Variants in CDK19 observed in about 807,000 individuals in gnomAD.
The protein encoded by CDK19 is cyclin dependent kinase 19, also known as cyclin-dependent kinase 19.
A neutral mutation model predicts 68.3 loss-of-function variants in CDK19; 20 were observed. The ratio of observed to expected loss-of-function variants is 0.29; its 90% confidence interval spans 0.21 to 0.43. CDK19 has a LOEUF of 0.43. CDK19 is among the 20% of genes least tolerant of loss of function. The probability of loss-of-function intolerance (pLI) is 1.00; values close to 1 mark genes in which losing one functional copy is unlikely to be tolerated. For synonymous variants in CDK19, 221 were observed against 222.8 expected, an observed-to-expected ratio of 0.99 and a Z score of 0.07; for missense variants, 339 against 623.5, an observed-to-expected ratio of 0.54 and a Z score of 4.86.
chr6:110,721,807 T>C (rs1180718420), intron 2 of CDK19, among the ~76,000 whole-genome samples: 1 of 151,662 alleles, frequency 6.6e-6, no homozygotes, highest in African/African-American at 2.4e-5. Flanking sequence ...TACAAAAAAA[T>C]ACAAAAATTA....
chr6:110,621,611 C>T lies in CDK19; in HGVS notation c.1111-241G>A, dbSNP rs911357070. Among the ~76,000 whole-genome samples, 7 of 152,110 alleles carry T rather than the reference C, an allele frequency of 4.6e-5. No homozygotes were observed. Among genetic ancestry groups the T allele is most frequent in the Admixed American group, 6.5e-5 (1 of 15,274 alleles). On this transcript the variant is annotated intron_variant, in intron 11 of 12. Transcript: ENST00000368911. This position sits in a 1 kb window ranked among gnomAD's most constrained non-coding sequence, Gnocchi z 5.4. ...TTCATTTAGACTGCACAGTGATCCT[C>T]CAAATCAGTCACAGACATCTCACTG...
chr6:110,639,246 G>C (rs1779973418), intron 4 of CDK19, among the ~76,000 whole-genome samples: 1 of 152,050 alleles, frequency 6.6e-6, no homozygotes, highest in African/African-American at 2.4e-5. Context: ...TAAAAACCAA[G>C]GCTAATACAG....
At chr6:110,810,666 C>A (rs1402159307) in intron 1 of CDK19, among the ~76,000 whole-genome samples, 4 of 151,820 alleles carry the variant, frequency 2.6e-5, no homozygotes, top group African/African-American at 9.7e-5. Flanking sequence ...CCCAGCTACT[C>A]AGGAGGCTGA....
At chr6:110,734,923 G>C (rs931328258) in intron 2 of CDK19, among the ~76,000 whole-genome samples, 2 of 152,042 alleles carry the variant, frequency 1.3e-5, no homozygotes, top group Admixed American at 6.6e-5. Context: ...ATAGTAATTG[G>C]TACAATAGTA....
At chr6:110,697,055 T>C (rs1480450346) in intron 2 of CDK19, among the ~76,000 whole-genome samples, 1 of 140,078 alleles carries the variant, frequency 7.1e-6, no homozygotes, top group Admixed American at 7.2e-5. Context: ...CGAAACTCCA[T>C]CTCAAAAAAA....
intron 4 of CDK19, among the ~76,000 whole-genome samples, chr6:110,666,960 T>C (rs1297982377): frequency 1.3e-5 from 2 of 152,172 alleles, no homozygotes; most frequent in Non-Finnish European, 2.9e-5. Context: ...GCCTAATAAG[T>C]ATATACCACC....
chr6:110,717,229 A>C (rs917899833), intron 2 of CDK19, among the ~76,000 whole-genome samples: 2 of 80,644 alleles, frequency 2.5e-5, no homozygotes, highest in African/African-American at 6.5e-5. Context: ...TCTATATATC[A>C]CATATATAGA....
Position 110,621,175 on chromosome 6 carries a change from G to T in CDK19, c.1306C>A (p.Pro436Thr), listed in dbSNP as rs376573708. Residue 436 changes from proline (P) to threonine (T), a missense_variant, in exon 12 of 13, where the codon CCA becomes ACA. Pro to Thr is a conservative substitution (Grantham distance 38). Transcript: ENST00000368911. This position sits in a 1 kb window ranked among gnomAD's most constrained non-coding sequence, Gnocchi z 5.4. Reference sequence around the variant, plus strand: ...GGCCCTAGCCGTGGCTTCTTGTTTGGAGGCACCTGGTTCAGGCTGGAGTCC... The same window carrying T: ...GGCCCTAGCCGTGGCTTCTTGTTTGTAGGCACCTGGTTCAGGCTGGAGTCC... The part of the protein sequence containing the change: ...SQDSSLNQVP[P>T]NKKPRLGPSG... 31 of 1,614,130 alleles carry T rather than the reference G, an allele frequency of 1.9e-5. No homozygotes were observed. The East Asian group carries it at 5.1e-4, about 27-fold the overall frequency.
At chr6:110,627,681 T>G (rs1232224156) in intron 6 of CDK19, among the ~76,000 whole-genome samples, 3 of 152,118 alleles carry the variant, frequency 2.0e-5, no homozygotes, top group African/African-American at 7.2e-5. Flanking sequence ...CTGGCTAATT[T>G]TTTAAAAAAT....
chr6:110,643,262 A>G (rs1780325066), intron 4 of CDK19: 1 of 1,102,964 alleles, frequency 9.1e-7, no homozygotes, highest in African/African-American at 1.6e-5. Flanking sequence ...AGTGGATTAA[A>G]AACAAAATCC....
chr6:110,728,223 G>A lies in CDK19; in HGVS notation c.204+17903C>T, dbSNP rs531322133. 1.6e-3 allele frequency among the ~76,000 whole-genome samples: 249 copies of A among 151,774 alleles called. 1 individual carries two copies. The highest frequency in any genetic ancestry group is 3.4e-3 in the Middle Eastern group (1 of 292). On this transcript the variant is annotated intron_variant, in intron 2 of 12. Transcript: ENST00000368911. Reference sequence around the variant, plus strand: ...GAATTGCTTGAACCTGGGAAGCGGAGGTTGCAGTGAGCTGAGATTGCACCA... The same window carrying A: ...GAATTGCTTGAACCTGGGAAGCGGAAGTTGCAGTGAGCTGAGATTGCACCA...
At chr6:110,734,520 G>GCTCTCTCTCTCC (rs1777054374) in intron 2 of CDK19, among the ~76,000 whole-genome samples, 1 of 85,734 alleles carries the variant, frequency 1.2e-5, no homozygotes. Flanking sequence ...GGTGAGCACT[G>GCTCTCTCTCTCC]CTCTCTCTCT....
chr6:110,614,650 A>G lies in CDK19; in HGVS notation c.1394T>C (p.Leu465Pro), dbSNP rs1305376207. The G allele has an allele frequency of 6.2e-7, 1 of 1,614,078 alleles. No individual in the cohort carries two copies. The highest frequency in any genetic ancestry group is 1.7e-5 in the Admixed American group (1 of 60,014). ...TCCCTGAACGCTGCTTTGGTAATTC[A>G]GGCGAGAACTGGAGTGCTAGGAGAA... ...PSDYQHSSSR[L>P]NYQSSVQGSS... is the part of the protein sequence containing the mutation. The change falls in exon 13 of 13, where the codon CTG becomes CCG. Residue 465 changes from leucine (L) to proline (P), a missense_variant. Around this residue, in one of 4 missense-constraint regions of CDK19, gnomAD observed 155 missense variants for 222.7 expected, o/e 0.70. Coordinates refer to ENST00000368911, the MANE Select transcript of CDK19 (RefSeq NM_015076.5).
chr6:110,666,172 T>C (rs1338900753), intron 4 of CDK19, among the ~76,000 whole-genome samples: 5 of 149,574 alleles, frequency 3.3e-5, no homozygotes, highest in African/African-American at 7.4e-5. Flanking sequence ...TCCCAGCACT[T>C]TGGGAGGCCG....
intron 12 of CDK19, among the ~76,000 whole-genome samples, chr6:110,615,946 C>T (rs906167763): frequency 2.0e-5 from 3 of 152,074 alleles, no homozygotes; most frequent in African/African-American, 7.2e-5. Context: ...TCCTGTGGCC[C>T]CCACCCAGAA....
intron 1 of CDK19, among the ~76,000 whole-genome samples, chr6:110,799,136 C>T (rs1782167268): frequency 9.4e-6 from 1 of 106,816 alleles, no homozygotes; most frequent in African/African-American, 3.9e-5. Context: ...AGAGTAAAAC[C>T]CTGTATTTAA....
At chr6:110,645,853 T>G (rs1780529212) in intron 4 of CDK19, 3 of 645,170 alleles carry the variant, frequency 4.6e-6, no homozygotes, top group African/African-American at 3.6e-5. Flanking sequence ...CTCCTGACCT[T>G]CGATTTCGAA....
rs79891558 is a variant in CDK19 at position 110,785,661 on chromosome 6, C to T, written c.128+29348G>A. Among the ~76,000 whole-genome samples, 926 of 152,164 alleles carry T rather than the reference C, an allele frequency of 6.1e-3. 4 individuals carry two copies. The highest frequency in any genetic ancestry group is 0.01 in the Middle Eastern group (3 of 294). On this transcript the variant is annotated intron_variant, in intron 1 of 12. Coordinates refer to ENST00000368911, the MANE Select transcript of CDK19 (RefSeq NM_015076.5). ...GAGGTAGAAGGGGAGACAGAAGAGG[C>T]AGGCACACTTAGTGTAACTTTATAG...
At chr6:110,735,111 CTTTT>C (rs71733873) in intron 2 of CDK19, among the ~76,000 whole-genome samples, 1 of 145,998 alleles carries the variant, frequency 6.8e-6, no homozygotes, top group Admixed American at 6.9e-5. Flanking sequence ...TTTTAATCTT[CTTTT>C]TTTTTTTTAT....
Sources: gnomAD v4.1 joint callset for allele counts (sites outside exome capture counted in the v4.1 genomes callset) on GRCh38, gnomAD v4.1.1 for gene constraint, gnomAD v4.1.1 regional missense constraint, Gnocchi (gnomAD v3.1) non-coding constraint, MANE v1.5 for transcripts, NCBI Gene and HGNC (gene_info 2026-07-23, HGNC 2026-07-21) for gene names.